Variants in CACNB2 observed in about 807,000 individuals in gnomAD.
CACNB2 encodes the protein voltage-dependent L-type calcium channel subunit beta-2.
Under a neutral mutation model 73.3 loss-of-function variants are expected in CACNB2, and 42 were observed. The ratio of observed to expected loss-of-function variants is 0.57; its 90% confidence interval spans 0.45 to 0.74. The LOEUF (loss-of-function observed/expected upper bound fraction) is 0.74. CACNB2 is among the 30% of genes least tolerant of loss of function. The pLI is 0.00. For missense variants in CACNB2, 940 were observed against 853.0 expected, an observed-to-expected ratio of 1.10 and a Z score of -1.27; for synonymous variants, 348 against 310.3, an observed-to-expected ratio of 1.12 and a Z score of -1.28.
intron 2 of CACNB2, among the ~76,000 whole-genome samples, chr10:18,396,141 G>C (rs1310562801): frequency 6.6e-6 from 1 of 151,992 alleles, no homozygotes; most frequent in African/African-American, 2.4e-5. Context: ...ATTTTTAGTA[G>C]AGATGGGGTT....
At chr10:18,455,494 G>C (rs1009589839) in intron 3 of CACNB2, among the ~76,000 whole-genome samples, 2 of 152,332 alleles carry the variant, frequency 1.3e-5, no homozygotes, top group East Asian at 1.9e-4. Flanking sequence ...GGTTAATTCT[G>C]TTGGGAACAC....
chr10:18,532,706 A>AAAAC (rs1294579741), intron 10 of CACNB2, among the ~76,000 whole-genome samples: 20 of 64,760 alleles, frequency 3.1e-4, no homozygotes, highest in African/African-American at 9.7e-4. Context: ...ACAAAACAAA[A>AAAAC]AAACAAACAA....
intron 2 of CACNB2, among the ~76,000 whole-genome samples, chr10:18,172,648 G>T (rs1588615518): frequency 1.3e-5 from 2 of 152,186 alleles, no homozygotes; most frequent in African/African-American, 4.8e-5. Flanking sequence ...TGCTATCCAG[G>T]TTTTATTAAT....
intron 2 of CACNB2, among the ~76,000 whole-genome samples, chr10:18,282,842 T>C (rs150487213): frequency 3.3e-4 from 50 of 152,274 alleles, no homozygotes; most frequent in Admixed American, 1.1e-3. Flanking sequence ...ATTAAAGAGC[T>C]TCTGCACAGC....
Position 18,343,308 on chromosome 10 carries a change from G to A in CACNB2, c.214-58616G>A, listed in dbSNP as rs186245677. Among the ~76,000 whole-genome samples the A allele has an allele frequency of 9.3e-4, 142 of 151,920 alleles. 1 individual carries two copies. Among genetic ancestry groups the A allele is most frequent in the African/African-American group, 3.0e-3 (124 of 41,422 alleles). ...AACAATGATCTCTCTGATTTGGGCA[G>A]GTTTTTTTTTATTATTATTGTTACC... On this transcript the variant is annotated intron_variant, in intron 2 of 13. Coordinates refer to ENST00000324631, the MANE Select transcript of CACNB2 (RefSeq NM_201596.3).
chr10:18,258,768 G>A (rs1332893806), intron 2 of CACNB2, among the ~76,000 whole-genome samples: 1 of 151,960 alleles, frequency 6.6e-6, no homozygotes, highest in African/African-American at 2.4e-5. Context: ...AAAAAAACTT[G>A]AATTTGAATT....
chr10:18,373,423 A>C (rs1475458769), intron 2 of CACNB2, among the ~76,000 whole-genome samples: 1 of 152,162 alleles, frequency 6.6e-6, no homozygotes, highest in Non-Finnish European at 1.5e-5. Context: ...TATTTATTGA[A>C]TATTTATGGT....
At chr10:18,538,868 TAC>T (rs2053868641) in intron 13 of CACNB2, among the ~76,000 whole-genome samples, 1 of 152,210 alleles carries the variant, frequency 6.6e-6, no homozygotes, top group Admixed American at 6.5e-5. Context: ...TATTCTCACA[TAC>T]AGTCAAGCAG....
chr10:18,272,854 G>C (rs1225895108), intron 2 of CACNB2, among the ~76,000 whole-genome samples: 1 of 152,140 alleles, frequency 6.6e-6, no homozygotes, highest in African/African-American at 2.4e-5. Flanking sequence ...AGCAGCATTA[G>C]AATGGACTAA....
intron 10 of CACNB2, among the ~76,000 whole-genome samples, chr10:18,533,523 G>A (rs1217992314): frequency 1.3e-5 from 2 of 152,132 alleles, no homozygotes; most frequent in African/African-American, 2.4e-5. Context: ...TTTAAAACAT[G>A]ACTACTTTGG....
chr10:18,233,746 G>C (rs111466525), intron 2 of CACNB2, among the ~76,000 whole-genome samples: 2 of 152,142 alleles, frequency 1.3e-5, no homozygotes, highest in African/African-American at 4.8e-5. Flanking sequence ...CTCCCGCTGA[G>C]TGTGAATAAA....
chr10:18,285,670 T>C (rs984811877), intron 2 of CACNB2, among the ~76,000 whole-genome samples: 1 of 152,252 alleles, frequency 6.6e-6, no homozygotes, highest in Non-Finnish European at 1.5e-5. Flanking sequence ...TACACAGCAG[T>C]TGATAACTGG....
chr10:18,536,243 CTT>C (rs904187820), intron 12 of CACNB2, 47 bp downstream of exon 12: 3,384 of 277,708 alleles, frequency 0.012, 2 homozygotes, highest in South Asian at 0.027. Flanking sequence ...GAGATCAGAC[CTT>C]TTTTTTTTTT....
chr10:18,400,835 A>G, intron 2 of CACNB2: 1 of 1,459,306 alleles, frequency 6.9e-7, no homozygotes, highest in South Asian at 1.4e-5. Flanking sequence ...CCCCTCCTGG[A>G]ATGGGAAAAT....
At position 18,261,303 on chromosome 10, in the gene CACNB2, G is replaced by A. The variant is rs1287392049; in HGVS notation, c.213+110328G>A. 26 of 1,551,468 alleles carry A rather than the reference G, an allele frequency of 1.7e-5. No individual in the cohort carries two copies. The Admixed American group carries it at 4.9e-4, about 29-fold the overall frequency. On this transcript the variant is annotated intron_variant, in intron 2 of 13. Coordinates refer to ENST00000324631, the MANE Select transcript of CACNB2 (RefSeq NM_201596.3). ...CTGCGGGCTGGTGCATCGCCGGCGAGTACGGGTGTCCTATGTAAGTTTCTA... is the reference window on the plus strand; with the variant it reads ...CTGCGGGCTGGTGCATCGCCGGCGAATACGGGTGTCCTATGTAAGTTTCTA...
chr10:18,499,153 C>A (rs567279871), intron 4 of CACNB2, among the ~76,000 whole-genome samples: 217 of 152,206 alleles, frequency 1.4e-3, no homozygotes, highest in African/African-American at 5.1e-3. Context: ...AGAAATTTCC[C>A]CTGTAGAATA....
At chr10:18,512,373 T>G (rs949915547) in intron 6 of CACNB2, among the ~76,000 whole-genome samples, 1 of 152,232 alleles carries the variant, frequency 6.6e-6, no homozygotes, top group African/African-American at 2.4e-5. Flanking sequence ...TAAAATCATC[T>G]TAATCCTGTC....
chr10:18,237,922 C>G (rs2036510186), intron 2 of CACNB2, among the ~76,000 whole-genome samples: 1 of 152,176 alleles, frequency 6.6e-6, no homozygotes, highest in East Asian at 1.9e-4. Context: ...GGACTTTGTT[C>G]ACTGAGGGTT....
At chr10:18,148,690 G>C (rs1480609966) in intron 1 of CACNB2, among the ~76,000 whole-genome samples, 1 of 152,062 alleles carries the variant, frequency 6.6e-6, no homozygotes, top group East Asian at 1.9e-4. Flanking sequence ...ACTCTTTTCT[G>C]TTCATTTAAA....
Sources: allele counts gnomAD v4.1 joint callset (sites outside exome capture counted in the v4.1 genomes callset), GRCh38; gene constraint gnomAD v4.1.1; transcripts MANE v1.5; gene names NCBI Gene and HGNC (gene_info 2026-07-23, HGNC 2026-07-21).